The following CELF2 variants were observed in gnomAD, a reference collection of about 807,000 sequenced individuals.
CELF2 encodes the protein CUGBP Elav-like family member 2.
A neutral mutation model predicts 62.6 loss-of-function variants in CELF2; 8 were observed. The observed-to-expected ratio is 0.13, with a 90% CI of 0.07 to 0.23. The LOEUF (loss-of-function observed/expected upper bound fraction) is 0.23, where lower values mean the gene tolerates loss of function less well. Ranked by LOEUF, CELF2 falls within the 10% of genes least tolerant of loss-of-function variation. The probability of loss-of-function intolerance (pLI) is 1.00; values close to 1 mark genes in which losing one functional copy is unlikely to be tolerated. For synonymous variants in CELF2, 258 were observed against 250.0 expected, an observed-to-expected ratio of 1.03 and a Z score of -0.30; for missense variants, 333 against 671.0, an observed-to-expected ratio of 0.50 and a Z score of 5.56.
chr10:10,595,454 G>A, the CELF2 span, among the ~76,000 whole-genome samples: 4 of 152,134 alleles, frequency 2.6e-5, no homozygotes, highest in Non-Finnish European at 5.9e-5. Context: ...GAGGTGGGAG[G>A]CAGGACTCGA....
chr10:10,723,178 A>G, the CELF2 span, among the ~76,000 whole-genome samples: 115 of 152,294 alleles, frequency 7.6e-4, no homozygotes, highest in East Asian at 0.018. Flanking sequence ...TTTTTTGTAC[A>G]TGGCTGGAGT....
intron 2 of CELF2, among the ~76,000 whole-genome samples, chr10:11,195,950 CTT>C (rs34960945): frequency 6.6e-6 from 1 of 151,480 alleles, no homozygotes; most frequent in Non-Finnish European, 1.5e-5. Context: ...TATTAATACT[CTT>C]TTTTTGAACA....
chr10:10,621,764 C>A, the CELF2 span, among the ~76,000 whole-genome samples: 1 of 152,222 alleles, frequency 6.6e-6, no homozygotes, highest in African/African-American at 2.4e-5. Context: ...TAAGAGATAG[C>A]AAACTCACAT....
chr10:11,157,581 G>T lies in CELF2; in HGVS notation c.75-7905G>T, dbSNP rs1349740549. 6.6e-6 allele frequency among the ~76,000 whole-genome samples: 1 copy of T among 152,080 alleles called. No homozygotes were observed. The highest frequency in any genetic ancestry group is 6.5e-5 in the Admixed American group (1 of 15,276). On this transcript the variant is annotated intron_variant, in intron 1 of 12. Coordinates refer to ENST00000633077, the MANE Select transcript of CELF2 (RefSeq NM_001326342.2). This position sits in a 1 kb window ranked among gnomAD's most constrained non-coding sequence, Gnocchi z 4.9. The stretch of plus-strand genomic sequence containing the variant: ...TTGGTTTTATGTTGTGTCCATGTCT[G>T]TCTCTTCTAATTGGCCATGAGCAGC...
the CELF2 span, among the ~76,000 whole-genome samples, chr10:10,666,580 A>AAGCT: frequency 1.4e-5 from 2 of 138,768 alleles, no homozygotes; most frequent in African/African-American, 5.6e-5. Context: ...TGTAAGAAAG[A>AAGCT]GGCCGGGCGC....
intron 1 of CELF2, among the ~76,000 whole-genome samples, chr10:10,820,728 G>A (rs999219606): frequency 6.6e-6 from 1 of 152,168 alleles, no homozygotes; most frequent in Non-Finnish European, 1.5e-5. Context: ...AACACCATAT[G>A]GGAGTCAACC....
At chr10:10,696,666 G>T in the CELF2 span, among the ~76,000 whole-genome samples, 2 of 152,120 alleles carry the variant, frequency 1.3e-5, no homozygotes, top group African/African-American at 4.8e-5. Flanking sequence ...TTCCGTGGGT[G>T]TAGGACCCTC....
chr10:10,619,887 G>A, the CELF2 span, among the ~76,000 whole-genome samples: 2 of 152,164 alleles, frequency 1.3e-5, no homozygotes, highest in African/African-American at 4.8e-5. Flanking sequence ...GGTAATGACA[G>A]GGATGGGATA....
chr10:11,009,599 G>A (rs2056063248), intron 1 of CELF2, among the ~76,000 whole-genome samples: 1 of 152,146 alleles, frequency 6.6e-6, no homozygotes, highest in Non-Finnish European at 1.5e-5. Context: ...CATCTGTGGA[G>A]AGAGGGTGAC....
rs1384487710 is a variant in CELF2 at position 11,010,705 on chromosome 10, T to C, written c.53+5265T>C. 6.6e-6 allele frequency among the ~76,000 whole-genome samples: 1 copy of C among 152,210 alleles called. No homozygotes were observed. Among genetic ancestry groups the C allele is most frequent in the Non-Finnish European group, 1.5e-5 (1 of 68,034 alleles). On this transcript the variant is annotated intron_variant, in intron 1 of 12. Coordinates refer to the CELF2 transcript ENST00000416382. This position sits in a 1 kb window ranked among gnomAD's most constrained non-coding sequence, Gnocchi z 4.1. ...CCATCTTGACAGTATAACTATTTAA[T>C]AGTTGACATTTTAAAGACATTTCTT... is the stretch of plus-strand genomic sequence containing the variant.
the CELF2 span, among the ~76,000 whole-genome samples, chr10:10,637,764 A>T: frequency 2.0e-5 from 3 of 152,174 alleles, no homozygotes; most frequent in South Asian, 6.2e-4. Context: ...GCTCTGCTCA[A>T]GTTAACATGA....
intron 8 of CELF2, among the ~76,000 whole-genome samples, chr10:11,284,097 G>A (rs2090162065): frequency 1.4e-5 from 2 of 145,048 alleles, no homozygotes; most frequent in Non-Finnish European, 3.0e-5. Context: ...GGAGTGGGTG[G>A]ATGATGGATG....
chr10:10,495,308 A>T, the CELF2 span, among the ~76,000 whole-genome samples: 2 of 152,286 alleles, frequency 1.3e-5, no homozygotes, highest in African/African-American at 4.8e-5. Flanking sequence ...GTAAACAAGA[A>T]CATCAAAAAG....
the CELF2 span, among the ~76,000 whole-genome samples, chr10:10,623,233 G>A: frequency 6.6e-6 from 1 of 151,656 alleles, no homozygotes; most frequent in Non-Finnish European, 1.5e-5. Context: ...TCTGCAGAGA[G>A]TTCCCAAAGG....
At chr10:10,771,371 C>G in the CELF2 span, among the ~76,000 whole-genome samples, 4 of 152,166 alleles carry the variant, frequency 2.6e-5, no homozygotes, top group East Asian at 5.8e-4. Flanking sequence ...CTGGCAGAAG[C>G]CTGTCTTTAG....
At position 11,017,975 on chromosome 10, in the gene CELF2, G is replaced by A. The variant is rs933234669; in HGVS notation, c.-115G>A. 8.1e-6 allele frequency: 8 copies of A among 989,550 alleles called. 1 individual carries two copies. In the African/African-American group the frequency reaches 1.1e-4, roughly 13 times the overall value. 61.3% of individuals were successfully genotyped at this position (989,550 alleles called of 1,614,324 possible). A position where few individuals can be genotyped will look rare whatever the true frequency, so the allele number is the denominator to read the frequency against. ...GAGAGAATGTGACAAGTGCCGGCTC[G>A]GCGGCCGCCGGGGGAGGCCGCGCGC... On this transcript the variant is annotated 5_prime_UTR_variant, in exon 1 of 13. Transcript: ENST00000633077. This position sits in a 1 kb window ranked among gnomAD's most constrained non-coding sequence, Gnocchi z 5.5.
chr10:10,764,181 A>C, the CELF2 span, among the ~76,000 whole-genome samples: 1 of 152,238 alleles, frequency 6.6e-6, no homozygotes, highest in Admixed American at 6.5e-5. Context: ...CTGTGAGGCT[A>C]TTTATGATAC....
intron 2 of CELF2, among the ~76,000 whole-genome samples, chr10:10,937,841 A>G (rs1023039589): frequency 8.5e-5 from 13 of 152,202 alleles, no homozygotes; most frequent in African/African-American, 2.9e-4. Flanking sequence ...ATGAATGTAT[A>G]TATATATATG....
chr10:10,869,467 C>G (rs561129837), intron 1 of CELF2, among the ~76,000 whole-genome samples: 1 of 152,090 alleles, frequency 6.6e-6, no homozygotes, highest in East Asian at 1.9e-4. Context: ...GAGGCTGAGG[C>G]AGGAGAATCC....
Sources: allele counts gnomAD v4.1 joint callset (sites outside exome capture counted in the v4.1 genomes callset), GRCh38; gene constraint gnomAD v4.1.1; non-coding constraint Gnocchi (gnomAD v3.1); transcripts MANE v1.5; gene names NCBI Gene and HGNC (gene_info 2026-07-23, HGNC 2026-07-21).